Variants in JAKMIP2 observed in about 807,000 individuals in gnomAD.
The protein encoded by JAKMIP2 is janus kinase and microtubule-interacting protein 2.
JAKMIP2 carries 25 observed loss-of-function variants against 115.0 expected under a neutral mutation model. That is an observed-to-expected ratio of 0.22 (90% CI 0.16 to 0.30). The LOEUF is 0.30. Ranked by LOEUF, JAKMIP2 falls within the 10% of genes least tolerant of loss-of-function variation. The pLI is 1.00. For missense variants in JAKMIP2, 642 were observed against 957.6 expected, an observed-to-expected ratio of 0.67 and a Z score of 4.35; for synonymous variants, 334 against 343.6, an observed-to-expected ratio of 0.97 and a Z score of 0.31.
At chr5:147,645,527 GA>G (rs1261896864) in intron 5 of JAKMIP2, among the ~76,000 whole-genome samples, 3 of 152,002 alleles carry the variant, frequency 2.0e-5, no homozygotes, top group Admixed American at 6.6e-5. Context: ...TTATCGAGGG[GA>G]AAAAAACCAC....
At chr5:147,751,182 C>T (rs1041430104) in intron 1 of JAKMIP2, among the ~76,000 whole-genome samples, 1 of 151,976 alleles carries the variant, frequency 6.6e-6, no homozygotes, top group Admixed American at 6.6e-5. Flanking sequence ...AGTGATTCTC[C>T]TACCTCAGCC....
At chr5:147,672,689 C>G (rs117529403) in intron 1 of JAKMIP2, among the ~76,000 whole-genome samples, 1 of 151,982 alleles carries the variant, frequency 6.6e-6, no homozygotes, top group East Asian at 1.9e-4. Flanking sequence ...GTCTTTCCAC[C>G]TGGGTTGAAT....
chr5:147,664,116 A>G (rs1759177605), intron 2 of JAKMIP2, among the ~76,000 whole-genome samples: 1 of 152,192 alleles, frequency 6.6e-6, no homozygotes, highest in African/African-American at 2.4e-5. Flanking sequence ...TTACTGTTTA[A>G]AATTGCAGCT....
At chr5:147,623,426 T>A (rs1756943950) in intron 17 of JAKMIP2, among the ~76,000 whole-genome samples, 195 bp downstream of exon 17, 1 of 151,968 alleles carries the variant, frequency 6.6e-6, no homozygotes. Context: ...AAAACTAACA[T>A]TTTTTGGGGG....
intron 1 of JAKMIP2, among the ~76,000 whole-genome samples, chr5:147,765,541 A>G (rs1309111890): frequency 6.6e-6 from 1 of 152,186 alleles, no homozygotes; most frequent in Non-Finnish European, 1.5e-5. Flanking sequence ...GACCAAGAGA[A>G]CAAAGGAATC....
At chr5:147,659,009 G>T (rs771273311) in intron 3 of JAKMIP2, among the ~76,000 whole-genome samples, 27 of 151,904 alleles carry the variant, frequency 1.8e-4, no homozygotes, top group Non-Finnish European at 3.2e-4. Flanking sequence ...TTGTGAGACT[G>T]CTTGGATCCC....
intron 5 of JAKMIP2, among the ~76,000 whole-genome samples, chr5:147,645,429 C>G (rs1758088798): frequency 6.6e-6 from 1 of 152,114 alleles, no homozygotes; most frequent in East Asian, 1.9e-4. Context: ...GAGCTGAATC[C>G]AAGCCTGGTT....
At chr5:147,752,990 C>T (rs1754614224) in intron 1 of JAKMIP2, among the ~76,000 whole-genome samples, 1 of 151,968 alleles carries the variant, frequency 6.6e-6, no homozygotes, top group Non-Finnish European at 1.5e-5. Flanking sequence ...TTTCTCAGTC[C>T]AGCACAAGAA....
At chr5:147,662,782 C>T (rs530179540) in intron 2 of JAKMIP2, among the ~76,000 whole-genome samples, 34 of 152,128 alleles carry the variant, frequency 2.2e-4, no homozygotes, top group African/African-American at 8.0e-4. Flanking sequence ...GTCAGGAGAT[C>T]GAGACTAGCC....
intron 1 of JAKMIP2, among the ~76,000 whole-genome samples, chr5:147,705,362 G>A (rs1290977816): frequency 6.6e-6 from 1 of 152,124 alleles, no homozygotes; most frequent in Non-Finnish European, 1.5e-5. Flanking sequence ...TAGCACCTTG[G>A]GAGGTCGAGG....
chr5:147,756,253 G>T (rs577040529), intron 1 of JAKMIP2, among the ~76,000 whole-genome samples: 1 of 152,238 alleles, frequency 6.6e-6, no homozygotes, highest in East Asian at 1.9e-4. Context: ...AAGACAACTT[G>T]TATTTGTGTT....
chr5:147,660,385 G>T (rs931817089), intron 3 of JAKMIP2: 1 of 431,012 alleles, frequency 2.3e-6, no homozygotes, highest in Non-Finnish European at 4.6e-6. Context: ...AATGACTCCT[G>T]TATACTTTGG....
chr5:147,721,116 TG>T (rs1490167890), intron 1 of JAKMIP2, among the ~76,000 whole-genome samples: 2 of 151,784 alleles, frequency 1.3e-5, no homozygotes, highest in Non-Finnish European at 2.9e-5. Flanking sequence ...CCATGTGAGG[TG>T]TCAGTGTGCC....
At chr5:147,739,086 AG>A (rs762370665) in intron 1 of JAKMIP2, among the ~76,000 whole-genome samples, 1 of 152,046 alleles carries the variant, frequency 6.6e-6, no homozygotes, top group Non-Finnish European at 1.5e-5. Flanking sequence ...AGCCTCACCA[AG>A]GGGAAGGGGC....
chr5:147,678,267 G>T (rs777007865), intron 1 of JAKMIP2, among the ~76,000 whole-genome samples: 1 of 152,184 alleles, frequency 6.6e-6, no homozygotes, highest in South Asian at 2.1e-4. Context: ...CTCCCAAAGT[G>T]CTGGGATTGC....
intron 1 of JAKMIP2, among the ~76,000 whole-genome samples, chr5:147,706,465 C>T (rs1228843174): frequency 5.3e-5 from 8 of 152,128 alleles, no homozygotes; most frequent in Admixed American, 3.3e-4. Context: ...ACTATAGGAA[C>T]GTGCCACTGT....
At position 147,719,877 on chromosome 5, in the gene JAKMIP2, T is replaced by C. The variant is rs1461577462; in HGVS notation, c.-148-47923A>G. ...AAAGTTAATATTGTTATGTGTGAAT[T>C]TGATCCTGTCATGATGATGTTAGCT... On this transcript the variant is annotated intron_variant, in intron 1 of 21. Coordinates refer to ENST00000616793, the MANE Select transcript of JAKMIP2 (RefSeq NM_001270941.2). Among the ~76,000 whole-genome samples the C allele has an allele frequency of 2.0e-5, 3 of 152,256 alleles. No individual in the cohort carries two copies. In the East Asian group the frequency reaches 5.8e-4, roughly 29 times the overall value.
chr5:147,591,755 T>C, intron 21 of JAKMIP2, 69 bp from the exon 22 acceptor site: 1 of 1,009,468 alleles, frequency 9.9e-7, no homozygotes, highest in Non-Finnish European at 1.5e-6. Context: ...AAAAACAAAC[T>C]TTAAAAAAAG....
At chr5:147,613,888 T>C (rs1012904505) in intron 19 of JAKMIP2, among the ~76,000 whole-genome samples, 2 of 152,182 alleles carry the variant, frequency 1.3e-5, no homozygotes, top group Admixed American at 6.5e-5. Flanking sequence ...CCATAATGAA[T>C]GCCGGAGAAA....
Sources: gnomAD v4.1 joint callset for allele counts (sites outside exome capture counted in the v4.1 genomes callset) on GRCh38, gnomAD v4.1.1 for gene constraint, MANE v1.5 for transcripts, NCBI Gene and HGNC (gene_info 2026-07-23, HGNC 2026-07-21) for gene names.